ABCA4: variants seen among roughly 807,000 people sequenced by gnomAD.
The protein encoded by ABCA4 is retinal-specific phospholipid-transporting ATPase ABCA4.
A neutral mutation model predicts 263.7 loss-of-function variants in ABCA4; 196 were observed. That is an observed-to-expected ratio of 0.74 (90% CI 0.66 to 0.84). ABCA4 has a LOEUF of 0.84. ABCA4 is among the 40% of genes least tolerant of loss of function. The pLI is 0.00. For synonymous variants in ABCA4, 1,133 were observed against 1,094.2 expected, an observed-to-expected ratio of 1.04 and a Z score of -0.70; for missense variants, 2,792 against 2,855.1, an observed-to-expected ratio of 0.98 and a Z score of 0.50.
chr1:94,097,835 C>T (rs542566209), intron 6 of ABCA4, among the ~76,000 whole-genome samples: 4 of 152,282 alleles, frequency 2.6e-5, no homozygotes, highest in African/African-American at 7.2e-5. Flanking sequence ...CTGCAAGCTC[C>T]GCCTCCCGGG....
chr1:93,995,966 G>T, intron 49 of ABCA4, 143 bp downstream of exon 49: 1 of 696,312 alleles, frequency 1.4e-6, no homozygotes, highest in Non-Finnish European at 2.5e-6. Flanking sequence ...GATGTGGTGG[G>T]GACTTGGTAG....
chr1:94,098,049 G>A (rs375469791), intron 6 of ABCA4, among the ~76,000 whole-genome samples: 27 of 152,296 alleles, frequency 1.8e-4, no homozygotes, highest in African/African-American at 4.1e-4. Context: ...GAGCCACTGC[G>A]CCCGGCCCTC....
At chr1:94,054,680 T>G (rs1660925736) in intron 16 of ABCA4, among the ~76,000 whole-genome samples, 1 of 151,962 alleles carries the variant, frequency 6.6e-6, no homozygotes, top group African/African-American at 2.4e-5. Flanking sequence ...AATCGTAAGA[T>G]GAAGAAGAGA....
intron 3 of ABCA4, among the ~76,000 whole-genome samples, chr1:94,111,227 C>A (rs759980319): frequency 6.6e-6 from 1 of 152,242 alleles, no homozygotes; most frequent in Admixed American, 6.5e-5. Flanking sequence ...ATTTTGTGCA[C>A]GTGGCCTTAG....
chr1:94,048,072 G>T (rs1224244905), intron 18 of ABCA4, among the ~76,000 whole-genome samples: 5 of 152,220 alleles, frequency 3.3e-5, no homozygotes, highest in African/African-American at 1.2e-4. Flanking sequence ...CTTGCCAGAG[G>T]CATGGTGTAC....
intron 4 of ABCA4, among the ~76,000 whole-genome samples, chr1:94,106,321 A>G (rs1481138572): frequency 6.6e-6 from 1 of 152,154 alleles, no homozygotes; most frequent in Admixed American, 6.5e-5. Context: ...CCACAGAGAA[A>G]CTGTGGTTTG....
At chr1:94,049,453 G>A (rs1327882554) in intron 17 of ABCA4, among the ~76,000 whole-genome samples, 1 of 152,058 alleles carries the variant, frequency 6.6e-6, no homozygotes, top group East Asian at 1.9e-4. Context: ...GTGAAACCCC[G>A]TATCTACTAA....
chr1:94,010,216 G>A (rs1389611498), intron 40 of ABCA4, among the ~76,000 whole-genome samples: 2 of 152,232 alleles, frequency 1.3e-5, no homozygotes, highest in Non-Finnish European at 2.9e-5. Context: ...AGAGGGGAGT[G>A]AGGCAGGGGC....
At chr1:93,998,182 T>C (rs1659065712) in intron 47 of ABCA4, 72 bp from the exon 48 acceptor site, 1 of 1,607,500 alleles carries the variant, frequency 6.2e-7, no homozygotes, top group African/African-American at 1.3e-5. Context: ...AAATAAGGAG[T>C]AGACTCATCA....
chr1:94,091,520 T>C (rs1661966644), intron 6 of ABCA4, among the ~76,000 whole-genome samples: 1 of 151,358 alleles, frequency 6.6e-6, no homozygotes, highest in Non-Finnish European at 1.5e-5. Context: ...TTAGTTGGAA[T>C]GGAACTGAGA....
chr1:94,024,907 C>A, intron 31 of ABCA4, 47 bp downstream of exon 31: 1 of 1,471,714 alleles, frequency 6.8e-7, no homozygotes, highest in Non-Finnish European at 9.5e-7. Context: ...TAGTTAATAT[C>A]TTCTACAGGG....
chr1:94,005,695 T>C, intron 43 of ABCA4, 113 bp from the exon 44 acceptor site: 1 of 1,075,482 alleles, frequency 9.3e-7, no homozygotes, highest in Non-Finnish European at 1.4e-6. Flanking sequence ...TCTTCTCTTC[T>C]CCTATTTGGC....
intron 19 of ABCA4, chr1:94,045,867 G>C (rs1213606051): frequency 2.2e-6 from 1 of 456,280 alleles, no homozygotes; most frequent in Admixed American, 2.3e-5. Flanking sequence ...CCCCTGCGAG[G>C]TCCGTGTCTG....
At chr1:94,036,605 G>A in intron 26 of ABCA4, 135 bp downstream of exon 26, 1 of 902,886 alleles carries the variant, frequency 1.1e-6, no homozygotes, top group Non-Finnish European at 1.9e-6. Flanking sequence ...TCGAACTCAG[G>A]TGGTCCATCT....
Position 93,996,092 on chromosome 1 carries a change from A to G in ABCA4, c.6816+17T>C, listed in dbSNP as rs367838600. On this transcript the variant is annotated intron_variant, in intron 49 of 49. Coordinates refer to ENST00000370225, the MANE Select transcript of ABCA4 (RefSeq NM_000350.3). ...GGAACTGCCTCAAGCTGTGGACTGCATAAGCAGCAGGGGTACCTGGGCTTG... is the reference window on the plus strand; with the variant it reads ...GGAACTGCCTCAAGCTGTGGACTGCGTAAGCAGCAGGGGTACCTGGGCTTG... The G allele has an allele frequency of 6.2e-7, 1 of 1,612,250 alleles. No homozygotes were observed. The highest frequency in any genetic ancestry group is 1.3e-5 in the African/African-American group (1 of 74,890).
intron 26 of ABCA4, among the ~76,000 whole-genome samples, chr1:94,032,254 C>A (rs1361542166): frequency 6.6e-6 from 1 of 152,074 alleles, no homozygotes; most frequent in Admixed American, 6.6e-5. Context: ...CTGAAATTGC[C>A]TTAAAATTCT....
chr1:94,023,542 G>T (rs1171258235), intron 31 of ABCA4, 124 bp from the exon 32 acceptor site: 4 of 867,730 alleles, frequency 4.6e-6, no homozygotes, highest in Non-Finnish European at 7.6e-6. Flanking sequence ...TGCATTTTCC[G>T]ATATCCAAGC....
intron 7 of ABCA4, among the ~76,000 whole-genome samples, chr1:94,083,141 G>A (rs560442963): frequency 1.1e-4 from 16 of 152,290 alleles, no homozygotes; most frequent in Admixed American, 9.8e-4. Flanking sequence ...TTTTTGATGT[G>A]AAATCAGAAG....
rs140353258 is a variant in ABCA4 at position 94,030,575 on chromosome 1, A to T, written c.4254-49T>A. Reference sequence around the variant, plus strand: ...TGGGACAGAGCAGGCGCGTGCCAACATCATGCAACTCAGAGCCTTTACTGG... The same window carrying T: ...TGGGACAGAGCAGGCGCGTGCCAACTTCATGCAACTCAGAGCCTTTACTGG... On this transcript the variant is annotated intron_variant, in intron 28 of 49. Transcript: ENST00000370225. 66 of 1,536,358 alleles carry T rather than the reference A, an allele frequency of 4.3e-5. No homozygotes were observed. In the East Asian group the frequency reaches 1.4e-3, roughly 33 times the overall value.
Sources: allele counts gnomAD v4.1 joint callset (sites outside exome capture counted in the v4.1 genomes callset), GRCh38; gene constraint gnomAD v4.1.1; transcripts MANE v1.5; gene names NCBI Gene and HGNC (gene_info 2026-07-23, HGNC 2026-07-21).